DLGAP2: variants seen among roughly 807,000 people sequenced by gnomAD.
DLGAP2 encodes the protein disks large-associated protein 2.
DLGAP2 carries 26 observed loss-of-function variants against 100.3 expected under a neutral mutation model. That is an observed-to-expected ratio of 0.26 (90% CI 0.19 to 0.36). The LOEUF (loss-of-function observed/expected upper bound fraction) is 0.36. Ranked by LOEUF, DLGAP2 falls within the 10% of genes least tolerant of loss-of-function variation. The pLI, the probability that DLGAP2 is intolerant of heterozygous loss-of-function variation, is 1.00. For missense variants in DLGAP2, 1,858 were observed against 1,453.2 expected (o/e 1.28, Z -4.53); for synonymous variants, 886 against 630.1 (o/e 1.41, Z -6.08).
intron 2 of DLGAP2, among the ~76,000 whole-genome samples, chr8:1,005,421 T>TG (rs1428498561): frequency 1.3e-4 from 19 of 150,024 alleles, no homozygotes; most frequent in African/African-American, 4.4e-4. Context: ...TTTTTTTTTT[T>TG]TTTTTGAGAT....
intron 4 of DLGAP2, among the ~76,000 whole-genome samples, chr8:1,548,151 C>A (rs1045011623): frequency 6.6e-6 from 1 of 152,100 alleles, no homozygotes; most frequent in Non-Finnish European, 1.5e-5. Context: ...CCACTCCTCA[C>A]ACTTTGCGAT....
intron 2 of DLGAP2, among the ~76,000 whole-genome samples, chr8:1,101,559 C>G (rs1023161503): frequency 2.0e-5 from 3 of 152,130 alleles, no homozygotes; most frequent in South Asian, 2.1e-4. Flanking sequence ...GCGGCAGACG[C>G]TCAGTCTGGG....
chr8:1,361,550 CT>C (rs1801982304), intron 3 of DLGAP2, among the ~76,000 whole-genome samples: 2 of 152,206 alleles, frequency 1.3e-5, no homozygotes, highest in Admixed American at 6.5e-5. Context: ...CTTCTTCTTG[CT>C]CGTGATTGTT....
At chr8:1,183,147 C>G (rs1166558528) in intron 2 of DLGAP2, among the ~76,000 whole-genome samples, 1 of 151,834 alleles carries the variant, frequency 6.6e-6, no homozygotes, top group Non-Finnish European at 1.5e-5. Context: ...GGCAGGGAAA[C>G]AAGGAGCTAG....
At chr8:1,551,875 C>T (rs1228319390) in intron 5 of DLGAP2, among the ~76,000 whole-genome samples, 1 of 152,214 alleles carries the variant, frequency 6.6e-6, no homozygotes, top group East Asian at 1.9e-4. Context: ...TGAGGGCTCA[C>T]TGTCTCTTGT....
intron 1 of DLGAP2, among the ~76,000 whole-genome samples, chr8:767,377 G>C (rs891554737): frequency 7.2e-6 from 1 of 139,206 alleles, no homozygotes; most frequent in African/African-American, 2.6e-5. Flanking sequence ...TTGAGACAGA[G>C]TTTCGGTCTG....
chr8:1,556,191 C>A (rs1051469490), intron 5 of DLGAP2, among the ~76,000 whole-genome samples: 6 of 152,240 alleles, frequency 3.9e-5, no homozygotes, highest in Non-Finnish European at 8.8e-5. Flanking sequence ...TCACCTTGTT[C>A]TGGGCACAGT....
intron 3 of DLGAP2, among the ~76,000 whole-genome samples, chr8:1,346,982 A>G (rs916577047): frequency 2.5e-4 from 38 of 150,460 alleles, no homozygotes; most frequent in East Asian, 5.9e-4. Context: ...ACAGAGCTGC[A>G]TTGCACTCAT....
At chr8:1,037,263 C>G (rs1802156313) in intron 2 of DLGAP2, among the ~76,000 whole-genome samples, 1 of 152,204 alleles carries the variant, frequency 6.6e-6, no homozygotes, top group South Asian at 2.1e-4. Context: ...GCCTTTCTCT[C>G]TCTGTTATCA....
At chr8:836,439 A>G (rs1355397660) in intron 1 of DLGAP2, among the ~76,000 whole-genome samples, 3 of 152,166 alleles carry the variant, frequency 2.0e-5, no homozygotes, top group African/African-American at 2.4e-5. Context: ...TAGGTCCTGC[A>G]GGCGCCCTGG....
intron 3 of DLGAP2, among the ~76,000 whole-genome samples, chr8:1,408,199 G>A (rs1796628072): frequency 6.6e-6 from 1 of 152,224 alleles, no homozygotes. Flanking sequence ...GAAGAACACA[G>A]GAATCCTTGT....
chr8:1,290,266 C>A lies in DLGAP2; in HGVS notation c.106+31383C>A, dbSNP rs573906238. On this transcript the variant is annotated intron_variant, in intron 3 of 14. Coordinates refer to ENST00000637795, the MANE Select transcript of DLGAP2 (RefSeq NM_001346810.2). Reference sequence around the variant, plus strand: ...CGGGAAAGGAATCACGTCCGTCGCGCTCCTGACGTGGCTACACACGGTGCA... The same window carrying A: ...CGGGAAAGGAATCACGTCCGTCGCGATCCTGACGTGGCTACACACGGTGCA... 7.2e-4 allele frequency among the ~76,000 whole-genome samples: 109 copies of A among 152,344 alleles called. 1 individual carries two copies. Among genetic ancestry groups the A allele is most frequent in the African/African-American group, 2.4e-3 (99 of 41,586 alleles).
At chr8:1,567,423 A>C (rs1269328654) in intron 6 of DLGAP2, among the ~76,000 whole-genome samples, 1 of 152,232 alleles carries the variant, frequency 6.6e-6, no homozygotes, top group Non-Finnish European at 1.5e-5. Context: ...TTCCCACTTT[A>C]AATGTTTGTG....
At chr8:1,188,409 C>T (rs1247220066) in intron 2 of DLGAP2, among the ~76,000 whole-genome samples, 3 of 129,914 alleles carry the variant, frequency 2.3e-5, no homozygotes, top group Non-Finnish European at 3.0e-5. Context: ...ATGACATTTG[C>T]CTCACAGAAT....
At chr8:859,189 G>C (rs1797342771) in intron 1 of DLGAP2, among the ~76,000 whole-genome samples, 1 of 150,432 alleles carries the variant, frequency 6.6e-6, no homozygotes, top group Non-Finnish European at 1.5e-5. Context: ...TCAGCTCACT[G>C]CAACCTCCAC....
chr8:1,580,880 G>T (rs1473165159), intron 6 of DLGAP2, among the ~76,000 whole-genome samples: 1 of 149,686 alleles, frequency 6.7e-6, no homozygotes, highest in African/African-American at 2.5e-5. Context: ...AGAAGTGAAG[G>T]ATACAGACAA....
At chr8:837,574 T>C (rs1796902490) in intron 1 of DLGAP2, among the ~76,000 whole-genome samples, 1 of 152,032 alleles carries the variant, frequency 6.6e-6, no homozygotes, top group Non-Finnish European at 1.5e-5. Flanking sequence ...CCTAAGGCCG[T>C]GCTCAGGCCG....
chr8:1,430,523 G>T (rs1009859628), intron 3 of DLGAP2, among the ~76,000 whole-genome samples: 6 of 152,154 alleles, frequency 3.9e-5, no homozygotes, highest in African/African-American at 1.4e-4. Context: ...AGGTCTACAG[G>T]CCTTGTAGCT....
chr8:1,606,980 CG>C (rs1193537956), intron 6 of DLGAP2, among the ~76,000 whole-genome samples: 1 of 152,168 alleles, frequency 6.6e-6, no homozygotes, highest in Non-Finnish European at 1.5e-5. Context: ...CCACAGCACC[CG>C]GCCTCCTGTA....
Sources: allele counts gnomAD v4.1 joint callset (sites outside exome capture counted in the v4.1 genomes callset), GRCh38; gene constraint gnomAD v4.1.1; transcripts MANE v1.5; gene names NCBI Gene and HGNC (gene_info 2026-07-23, HGNC 2026-07-21).